ITGAM: variants seen among roughly 807,000 people sequenced by gnomAD.
The protein encoded by ITGAM is integrin subunit alpha M, also known as integrin alpha-M.
ITGAM carries 79 observed loss-of-function variants against 137.5 expected under a neutral mutation model. The ratio of observed to expected loss-of-function variants is 0.57; its 90% CI spans 0.48 to 0.69. The LOEUF (loss-of-function observed/expected upper bound fraction) is 0.69, where lower values mean the gene tolerates loss of function less well. Among genes scored for constraint, ITGAM ranks in the 30% least tolerant of loss-of-function variants. The pLI is 0.00. For synonymous variants in ITGAM, 583 were observed against 592.3 expected (o/e 0.98, Z 0.23); for missense variants, 1,343 against 1,483.5 (o/e 0.91, Z 1.56).
intron 16 of ITGAM, among the ~76,000 whole-genome samples, chr16:31,322,877 G>A (rs1458169258): frequency 6.6e-6 from 1 of 152,136 alleles, no homozygotes; most frequent in East Asian, 1.9e-4. Flanking sequence ...AAGCAGAACA[G>A]AGAATTAGTG....
chr16:31,283,007 G>T (rs2079986861), intron 12 of ITGAM, among the ~76,000 whole-genome samples: 1 of 152,060 alleles, frequency 6.6e-6, no homozygotes, highest in African/African-American at 2.4e-5. Context: ...TGAAGTTCTG[G>T]GTTGAAAATT....
At chr16:31,298,762 T>C (rs2080164949) in intron 14 of ITGAM, among the ~76,000 whole-genome samples, 7 of 152,250 alleles carry the variant, frequency 4.6e-5, no homozygotes, top group Admixed American at 4.6e-4. Context: ...CTTGGCTTAA[T>C]GCTCTGCTAT....
At chr16:31,328,313 CAT>C (rs1491172760) in intron 23 of ITGAM, 83 bp downstream of exon 23, 42 of 1,048,930 alleles carry the variant, frequency 4.0e-5, no homozygotes, top group East Asian at 1.4e-4. Context: ...TGAGTCTGTG[CAT>C]GTGTGTGTGT....
chr16:31,320,596 A>G (rs533408437), intron 14 of ITGAM, among the ~76,000 whole-genome samples: 1 of 152,292 alleles, frequency 6.6e-6, no homozygotes, highest in South Asian at 2.1e-4. Context: ...CAGCTCTTTC[A>G]ATTCTCTATT....
rs2144381520 is a variant in ITGAM, at chr16:31,297,748, G to T, written c.1501G>T (p.Ala501Ser). Residue 501 changes from alanine (A) to serine (S), a missense_variant, in exon 14 of 30, where the codon GCT becomes TCT. Coordinates refer to ENST00000544665, the MANE Select transcript of ITGAM (RefSeq NM_000632.4). ...TGATACTGTTTGTGTTTAGCAGAGG[G>T]CTCGGTGGCAGTGTGATGCTGTTCT... Reference protein sequence around the residue: ...VSVCPLPRGRARWQCDAVLYG... With the variant: ...VSVCPLPRGRSRWQCDAVLYG... 1.3e-6 allele frequency: 2 copies of T among 1,595,230 alleles called. No homozygotes were observed. Among genetic ancestry groups the T allele is most frequent in the Non-Finnish European group, 1.7e-6 (2 of 1,172,534 alleles).
At chr16:31,304,118 C>T (rs896770445) in intron 14 of ITGAM, among the ~76,000 whole-genome samples, 16 of 152,050 alleles carry the variant, frequency 1.1e-4, no homozygotes, top group African/African-American at 3.6e-4. Context: ...ACATCCATGC[C>T]AGATCTATTG....
chr16:31,289,263 C>T (rs983657150), intron 12 of ITGAM, among the ~76,000 whole-genome samples: 1 of 152,080 alleles, frequency 6.6e-6, no homozygotes, highest in Non-Finnish European at 1.5e-5. Context: ...GGGTATATAC[C>T]CAAATGACTA....
At chr16:31,275,211 G>T (rs529622625) in intron 8 of ITGAM, among the ~76,000 whole-genome samples, 1 of 152,106 alleles carries the variant, frequency 6.6e-6, no homozygotes, top group Non-Finnish European at 1.5e-5. Flanking sequence ...GACACAGAAA[G>T]CGATATCACC....
chr16:31,281,018 G>T (rs1453701852), intron 12 of ITGAM, among the ~76,000 whole-genome samples: 1 of 152,090 alleles, frequency 6.6e-6, no homozygotes, highest in Non-Finnish European at 1.5e-5. Context: ...GATGGATTAT[G>T]TTTATTGATT....
At chr16:31,304,293 C>T (rs1189771244) in intron 14 of ITGAM, among the ~76,000 whole-genome samples, 1 of 151,986 alleles carries the variant, frequency 6.6e-6, no homozygotes, top group Middle Eastern at 3.2e-3. Context: ...ATATCCTTTG[C>T]CTACTTTTTG....
chr16:31,275,744 C>T (rs1203284289), intron 9 of ITGAM, 45 bp downstream of exon 9: 2 of 1,605,824 alleles, frequency 1.2e-6, no homozygotes, highest in African/African-American at 2.7e-5. Flanking sequence ...AGAGGCAGCC[C>T]CCCACCCCAG....
At chr16:31,307,085 C>A (rs1157716514) in intron 14 of ITGAM, among the ~76,000 whole-genome samples, 1 of 152,142 alleles carries the variant, frequency 6.6e-6, no homozygotes, top group East Asian at 1.9e-4. Flanking sequence ...TAGCGTGATG[C>A]CTCTAGCTTT....
chr16:31,270,699 G>GTATATATATATATA (rs869206231), intron 5 of ITGAM, among the ~76,000 whole-genome samples: 15 of 26,000 alleles, frequency 5.8e-4, no homozygotes, highest in Non-Finnish European at 7.8e-4. Flanking sequence ...GTGTGTGTGT[G>GTATATATATATATA]TATATATATA....
intron 12 of ITGAM, among the ~76,000 whole-genome samples, chr16:31,288,912 GA>G (rs1303767778): frequency 1.3e-5 from 2 of 151,874 alleles, no homozygotes; most frequent in Non-Finnish European, 2.9e-5. Context: ...AAATTTACAA[GA>G]AAAAAACAAC....
At chr16:31,273,337 G>A (rs774332866) in intron 7 of ITGAM, 28 bp from the exon 8 acceptor site, 1 of 1,565,064 alleles carries the variant, frequency 6.4e-7, no homozygotes, top group East Asian at 2.3e-5. Context: ...ACTTGCATTT[G>A]ACTTTGTCCC....
intron 14 of ITGAM, among the ~76,000 whole-genome samples, chr16:31,299,150 A>G (rs1411573644): frequency 6.6e-6 from 1 of 152,174 alleles, no homozygotes; most frequent in Non-Finnish European, 1.5e-5. Context: ...AAAATGTACA[A>G]TGTAATACTG....
chr16:31,302,479 CTTTCT>C (rs1398124869), intron 14 of ITGAM, among the ~76,000 whole-genome samples: 2,937 of 81,884 alleles, frequency 0.036, 95 homozygotes, highest in African/African-American at 0.14. Context: ...TTCTTTCTTT[CTTTCT>C]TTTTTCTTTC....
In ITGAM at chr16:31,272,233, A is replaced by T. The variant is rs139757408; in HGVS notation, c.704+241A>T. Among the ~76,000 whole-genome samples the T allele has an allele frequency of 3.3e-3, 500 of 150,968 alleles. 1 individual carries two copies. Among genetic ancestry groups the T allele is most frequent in the African/African-American group, 0.012 (474 of 41,190 alleles). On this transcript the variant is annotated intron_variant, in intron 7 of 29. Transcript: ENST00000544665. ...CTACAAAGATCAGCTCAGGCCAGGG[A>T]GCCAAAGGCAGCTTTACAGCCTGTG...
intron 14 of ITGAM, among the ~76,000 whole-genome samples, chr16:31,301,039 T>C (rs1218045204): frequency 1.3e-5 from 2 of 152,254 alleles, no homozygotes; most frequent in African/African-American, 4.8e-5. Context: ...GGTTATATTT[T>C]ACTCTGCTTA....
Sources: allele counts gnomAD v4.1 joint callset (sites outside exome capture counted in the v4.1 genomes callset), GRCh38; gene constraint gnomAD v4.1.1; transcripts MANE v1.5; gene names NCBI Gene and HGNC (gene_info 2026-07-23, HGNC 2026-07-21).